The following PPP1R9B variants were observed in gnomAD, a reference collection of about 807,000 sequenced individuals.
PPP1R9B encodes protein phosphatase 1 regulatory subunit 9B, also known as neurabin-2.
Under a neutral mutation model 75.8 loss-of-function variants are expected in PPP1R9B, and 17 were observed. The ratio of observed to expected loss-of-function variants is 0.22; its 90% CI spans 0.15 to 0.34. PPP1R9B has a LOEUF of 0.34. PPP1R9B is among the 10% of genes least tolerant of loss of function. The pLI, the probability that PPP1R9B is intolerant of heterozygous loss-of-function variation, is 1.00. For synonymous variants in PPP1R9B, 509 were observed against 535.4 expected (o/e 0.95, Z 0.68); for missense variants, 875 against 1,196.0 (o/e 0.73, Z 3.96).
chr17:50,135,890 G>A, intron 8 of PPP1R9B, 78 bp downstream of exon 8: 11 of 1,168,042 alleles, frequency 9.4e-6, no homozygotes, highest in Non-Finnish European at 1.3e-5. Context: ...CTACTCAGCT[G>A]GAGGGATGGG....
intron 4 of PPP1R9B, 33 bp from the exon 5 acceptor site, chr17:50,140,261 G>A (rs1329392115): frequency 6.4e-7 from 1 of 1,568,658 alleles, no homozygotes. Flanking sequence ...CGCTGCCTCT[G>A]TCCTCAGCCA....
intron 1 of PPP1R9B, among the ~76,000 whole-genome samples, 152 bp from the exon 2 acceptor site, chr17:50,145,397 C>T (rs571744132): frequency 8.5e-5 from 13 of 152,300 alleles, no homozygotes; most frequent in Non-Finnish European, 1.8e-4. Flanking sequence ...GAGACCCCAG[C>T]TCTGAGCAAA....
In PPP1R9B at chr17:50,149,068, G is replaced by T; in HGVS notation, c.1371+75C>A. On this transcript the variant is annotated intron_variant, in intron 1 of 9. Coordinates refer to ENST00000612501, the MANE Select transcript of PPP1R9B (RefSeq NM_032595.5). This position sits in a 1 kb window ranked among gnomAD's most constrained non-coding sequence, Gnocchi z 7.2. The stretch of plus-strand genomic sequence containing the variant: ...TGACTCAGCCTGCCAAACCCGGCTG[G>T]CTGGCTGGCGAGCGGGGGCGGCCGC... 9.2e-7 allele frequency: 1 copy of T among 1,082,132 alleles called. No individual in the cohort carries two copies. The highest frequency in any genetic ancestry group is 1.2e-6 in the Non-Finnish European group (1 of 844,598). 67.0% of individuals were successfully genotyped at this position (1,082,132 alleles called of 1,614,324 possible).
rs369069780 is a variant in PPP1R9B, at chr17:50,149,399, G to C, written c.1115C>G (p.Pro372Arg). The change falls in exon 1 of 10, where the codon CCG becomes CGG. Residue 372 changes from proline (P) to arginine (R), a missense_variant. Pro to Arg is a moderately radical substitution (Grantham distance 103). Coordinates refer to ENST00000612501, the MANE Select transcript of PPP1R9B (RefSeq NM_032595.5). The surrounding 1 kb of genome is among the most constrained non-coding windows in gnomAD (Gnocchi z 7.2). ...ATCTACCTCCTCAGGGGCCACGTCC[G>C]GGGCCCGGCCATTGCCCACCCCCCT... ...PERGVGNGRA[P>R]DVAPEEVDES... 3 of 1,612,200 alleles carry C rather than the reference G, an allele frequency of 1.9e-6. No homozygotes were observed. Among genetic ancestry groups the C allele is most frequent in the Non-Finnish European group, 1.7e-6 (2 of 1,179,578 alleles).
upstream of PPP1R9B, chr17:50,150,677 T>TA: frequency 6.2e-6 from 4 of 643,122 alleles, no homozygotes; most frequent in Admixed American, 4.5e-5. This position sits in a 1 kb window ranked among gnomAD's most constrained non-coding sequence, Gnocchi z 8.7. Flanking sequence ...TAATCCCGCT[T>TA]TAAAAAAAAA....
Position 50,139,188 on chromosome 17 carries a change from G to T in PPP1R9B, c.2073+75C>A. ...TGTGCCTAAGTGTCAGCATGTGCAG[G>T]TGTGAGGGTAGGGGGACCCTGCTCC... On this transcript the variant is annotated intron_variant, in intron 7 of 9. Transcript: ENST00000612501. This position sits in a 1 kb window ranked among gnomAD's most constrained non-coding sequence, Gnocchi z 5.0. The T allele has an allele frequency of 6.5e-7, 1 of 1,536,000 alleles. No homozygotes were observed. The highest frequency in any genetic ancestry group is 9.0e-7 in the Non-Finnish European group (1 of 1,108,994).
chr17:50,140,384 G>T (rs1397272911), intron 4 of PPP1R9B, 156 bp from the exon 5 acceptor site: 1 of 954,526 alleles, frequency 1.0e-6, no homozygotes, highest in Non-Finnish European at 1.5e-6. Flanking sequence ...ATGAATGGGG[G>T]AATGAGGGCC....
At chr17:50,146,990 CATT>C (rs544586409) in intron 1 of PPP1R9B, among the ~76,000 whole-genome samples, 91 of 152,328 alleles carry the variant, frequency 6.0e-4, no homozygotes, top group African/African-American at 2.1e-3. Context: ...GTCCCTTCAT[CATT>C]GAGTCTCTAC....
chr17:50,149,124 G>A lies in PPP1R9B; in HGVS notation c.1371+19C>T. 7.0e-7 allele frequency: 1 copy of A among 1,419,658 alleles called. No individual in the cohort carries two copies. The highest frequency in any genetic ancestry group is 1.5e-5 in the South Asian group (1 of 67,196). The allele number at this position is 1,419,658 out of a possible 1,614,324, so 87.9% of individuals were successfully genotyped here. On this transcript the variant is annotated intron_variant, in intron 1 of 9. Coordinates refer to ENST00000612501, the MANE Select transcript of PPP1R9B (RefSeq NM_032595.5). This position sits in a 1 kb window ranked among gnomAD's most constrained non-coding sequence, Gnocchi z 7.2. ...CGTGGCAGGGGCGGCGCGGGGGCAGGGCGGGGGGGCTCACTTACTTGGATG... is the reference window on the plus strand; with the variant it reads ...CGTGGCAGGGGCGGCGCGGGGGCAGAGCGGGGGGGCTCACTTACTTGGATG...
At position 50,150,097 on chromosome 17, in the gene PPP1R9B, G is replaced by C. The variant is rs1356319895; in HGVS notation, c.417C>G (p.His139Gln). ...GCGTCTCCTGCAGCCGGGACGGCGG[G>C]TGCGGCGGCGGCGCAGGCTGCGCGG... ...APSAQPAPPP[H>Q]PPSRLQETRK... is the part of the protein sequence containing the mutation. The change falls in exon 1 of 10, where the codon CAC becomes CAG. Residue 139 changes from histidine to glutamine, a missense_variant. By Grantham distance (24) the His-to-Gln change is conservative. Transcript: ENST00000612501. The surrounding 1 kb of genome is among the most constrained non-coding windows in gnomAD (Gnocchi z 8.7). 10 of 1,399,872 alleles carry C rather than the reference G, an allele frequency of 7.1e-6. No individual in the cohort carries two copies. In the South Asian group the frequency reaches 1.1e-4, roughly 15 times the overall value. 86.7% of individuals were successfully genotyped at this position (1,399,872 alleles called of 1,614,324 possible).
In PPP1R9B at chr17:50,136,014, G is replaced by A. The variant is rs1290511148; in HGVS notation, c.2257C>T (p.Arg753Cys). The A allele has an allele frequency of 1.2e-5, 20 of 1,602,028 alleles. No homozygotes were observed. The highest frequency in any genetic ancestry group is 5.1e-6 in the Non-Finnish European group (6 of 1,174,518). ...ETQAQYQALE[R>C]KYSKAKRLIK... is the part of the protein sequence containing the mutation. ...AGGCGCTTGGCCTTGCTGTACTTGC[G>A]CTCCAGGGCCTGGTACTGCGCCTGA... Residue 753 changes from arginine to cysteine, a missense_variant, in exon 8 of 10, where the codon CGC becomes TGC. Arg to Cys is a radical substitution (Grantham distance 180). This residue lies in a region of PPP1R9B where 218 missense variants were observed against 334.6 expected (regional missense o/e 0.65). Coordinates refer to ENST00000612501, the MANE Select transcript of PPP1R9B (RefSeq NM_032595.5).
In PPP1R9B at chr17:50,140,009, G is replaced by A. The variant is rs1400499727; in HGVS notation, c.1866+84C>T. 1.3e-5 allele frequency: 19 copies of A among 1,454,038 alleles called. No homozygotes were observed. The Admixed American group carries it at 2.6e-4, about 20-fold the overall frequency. The allele number at this position is 1,454,038 out of a possible 1,614,324, so 90.1% of individuals were successfully genotyped here. A position where few individuals can be genotyped will look rare whatever the true frequency, so the allele number is the denominator to read the frequency against. On this transcript the variant is annotated intron_variant, in intron 5 of 9. Coordinates refer to ENST00000612501, the MANE Select transcript of PPP1R9B (RefSeq NM_032595.5). ...ACTGTGGGCTTTTTACTAGGGCAGG[G>A]GAAGCAGTAGAGGCAGATGACTGTA...
In PPP1R9B at chr17:50,134,932, A is replaced by C; in HGVS notation, c.*399T>G. 5.0e-6 allele frequency: 1 copy of C among 201,614 alleles called. No homozygotes were observed. The highest frequency in any genetic ancestry group is 9.1e-5 in the South Asian group (1 of 11,032). 12.5% of individuals were successfully genotyped at this position (201,614 alleles called of 1,614,324 possible). A position where few individuals can be genotyped will look rare whatever the true frequency, so the allele number is the denominator to read the frequency against. On this transcript the variant is annotated 3_prime_UTR_variant, in exon 10 of 10. Transcript: ENST00000612501. ...GGGGCCACCCAGGTGCCCCATGGGC[A>C]GGGAGCAGCCCCCAGTTGGCAGATG...
At position 50,139,591 on chromosome 17, in the gene PPP1R9B, G is replaced by A. The variant is rs1912317596; in HGVS notation, c.1867-10C>T. ...TGGCATACTCTCCCGTCTGCGAAGG[G>A]AGACCGGAGACTGTGGGCCCACCCC... On this transcript the variant is annotated splice_polypyrimidine_tract_variant and intron_variant, in intron 5 of 9. Coordinates refer to ENST00000612501, the MANE Select transcript of PPP1R9B (RefSeq NM_032595.5). This position sits in a 1 kb window ranked among gnomAD's most constrained non-coding sequence, Gnocchi z 5.0. The A allele has an allele frequency of 3.3e-6, 5 of 1,530,920 alleles. No homozygotes were observed. Among genetic ancestry groups the A allele is most frequent in the Non-Finnish European group, 3.5e-6 (4 of 1,138,602 alleles). 94.8% of individuals were successfully genotyped at this position (1,530,920 alleles called of 1,614,324 possible).
In PPP1R9B at chr17:50,149,998, C is replaced by T. The variant is rs1402146652; in HGVS notation, c.516G>A (p.Arg172=). 35 of 1,492,748 alleles carry T rather than the reference C, an allele frequency of 2.3e-5. No homozygotes were observed. The highest frequency in any genetic ancestry group is 1.4e-4 in the Admixed American group (6 of 43,202). 92.5% of individuals were successfully genotyped at this position (1,492,748 alleles called of 1,614,324 possible). A position where few individuals can be genotyped will look rare whatever the true frequency, so the allele number is the denominator to read the frequency against. ...GGTCCTGCAGGCCGGCGCGCTCCTG[C>T]CTCAGCAGCCGCCGCGCCGCGGCCT... ...DKEAAARRLL[R]QERAGLQDRK... Residue 172 remains arginine (R), a synonymous_variant, in exon 1 of 10, where the codon AGG becomes AGA. Coordinates refer to ENST00000612501, the MANE Select transcript of PPP1R9B (RefSeq NM_032595.5). The surrounding 1 kb of genome is among the most constrained non-coding windows in gnomAD (Gnocchi z 7.2).
In PPP1R9B at chr17:50,149,540, A is replaced by T. The variant is rs1400762966; in HGVS notation, c.974T>A (p.Val325Asp). 1 of 1,590,274 alleles carries T rather than the reference A, an allele frequency of 6.3e-7. No homozygotes were observed. The highest frequency in any genetic ancestry group is 8.5e-7 in the Non-Finnish European group (1 of 1,170,976). ...PGEVIQAEVTVHAALENGSTV... is the reference protein window; with the variant it reads ...PGEVIQAEVTDHAALENGSTV... ...GCTGCCATTCTCCAGGGCCGCGTGG[A>T]CCGTAACCTCGGCCTGGATCACCTC... The change falls in exon 1 of 10, where the codon GTC (valine) becomes GAC (aspartate). Residue 325 changes from valine (V) to aspartate (D), a missense_variant. Physicochemically the swap from Val to Asp is radical, Grantham distance 152. Coordinates refer to ENST00000612501, the MANE Select transcript of PPP1R9B (RefSeq NM_032595.5). This position sits in a 1 kb window ranked among gnomAD's most constrained non-coding sequence, Gnocchi z 7.2.
At chr17:50,143,120 C>G (rs1251119732) in intron 3 of PPP1R9B, among the ~76,000 whole-genome samples, 5 of 152,196 alleles carry the variant, frequency 3.3e-5, no homozygotes, top group Non-Finnish European at 4.4e-5. Context: ...CATTTCACTA[C>G]CTTTTGTGTG....
At chr17:50,148,874 G>A (rs1396495988) in intron 1 of PPP1R9B, among the ~76,000 whole-genome samples, 1 of 152,272 alleles carries the variant, frequency 6.6e-6, no homozygotes, top group Non-Finnish European at 1.5e-5. Context: ...GGGGCAGGGC[G>A]GGTTCCGCGG....
At chr17:50,145,360 C>T (rs902629740) in intron 1 of PPP1R9B, 115 bp from the exon 2 acceptor site, 48 of 1,334,914 alleles carry the variant, frequency 3.6e-5, no homozygotes, top group Non-Finnish European at 4.2e-5. Flanking sequence ...CATGATAGCC[C>T]TGAGATGAGG....
Sources: allele counts gnomAD v4.1 joint callset (sites outside exome capture counted in the v4.1 genomes callset), GRCh38; gene constraint gnomAD v4.1.1; regional missense constraint gnomAD v4.1.1; non-coding constraint Gnocchi (gnomAD v3.1); transcripts MANE v1.5; gene names NCBI Gene and HGNC (gene_info 2026-07-23, HGNC 2026-07-21).